LRP1B: variants seen among roughly 807,000 people sequenced by gnomAD.
The protein encoded by LRP1B is low-density lipoprotein receptor-related protein 1B.
A neutral mutation model predicts 556.6 loss-of-function variants in LRP1B; 217 were observed. The observed-to-expected ratio is 0.39, with a 90% CI of 0.35 to 0.44. The LOEUF (loss-of-function observed/expected upper bound fraction) is 0.44. Among genes scored for constraint, LRP1B ranks in the 20% least tolerant of loss-of-function variants. The pLI, the probability that LRP1B is intolerant of heterozygous loss-of-function variation, is 1.00. For synonymous variants in LRP1B, 2,047 were observed against 1,865.8 expected, an observed-to-expected ratio of 1.10 and a Z score of -2.50; for missense variants, 5,053 against 5,620.8, an observed-to-expected ratio of 0.90 and a Z score of 3.23.
intron 2 of LRP1B, among the ~76,000 whole-genome samples, chr2:141,683,796 G>T (rs1205853482): frequency 6.6e-6 from 1 of 152,108 alleles, no homozygotes; most frequent in African/African-American, 2.4e-5. Flanking sequence ...GAAAGCCAAA[G>T]ATGTGGTTCC....
At chr2:141,452,914 G>T (rs1559078200) in intron 3 of LRP1B, among the ~76,000 whole-genome samples, 1 of 152,106 alleles carries the variant, frequency 6.6e-6, no homozygotes, top group South Asian at 2.1e-4. Context: ...TTCACCAAAG[G>T]CCTGTTTTAT....
intron 2 of LRP1B, among the ~76,000 whole-genome samples, chr2:141,727,032 C>CT (rs1465914891): frequency 6.6e-6 from 1 of 151,666 alleles, no homozygotes; most frequent in Non-Finnish European, 1.5e-5. Flanking sequence ...TTTGAAAATC[C>CT]TTATAACTGA....
At chr2:141,082,911 G>A (rs1281398869) in intron 7 of LRP1B, among the ~76,000 whole-genome samples, 2 of 152,188 alleles carry the variant, frequency 1.3e-5, no homozygotes, top group African/African-American at 4.8e-5. Context: ...CATATTTTAT[G>A]TTATGTGATC....
At chr2:141,190,303 T>C (rs1299177402) in intron 6 of LRP1B, among the ~76,000 whole-genome samples, 4 of 152,046 alleles carry the variant, frequency 2.6e-5, no homozygotes, top group South Asian at 4.1e-4. Context: ...CCTCTTAATA[T>C]GTCTGCTGTC....
intron 3 of LRP1B, among the ~76,000 whole-genome samples, chr2:141,422,939 T>C (rs1196277916): frequency 6.6e-6 from 1 of 152,208 alleles, no homozygotes; most frequent in Non-Finnish European, 1.5e-5. Context: ...TTGTACTTGA[T>C]AATTGAATTA....
chr2:142,045,142 G>GAAA (rs34255275), intron 1 of LRP1B, among the ~76,000 whole-genome samples: 2 of 145,196 alleles, frequency 1.4e-5, no homozygotes, highest in South Asian at 2.2e-4. Context: ...ACCCAAGGGG[G>GAAA]AAAAAAAAAA....
chr2:141,630,181 TCTCAAAC>T (rs1489321933), intron 2 of LRP1B, among the ~76,000 whole-genome samples: 1 of 152,092 alleles, frequency 6.6e-6, no homozygotes, highest in Non-Finnish European at 1.5e-5. Context: ...ATCTACAGAA[TCTCAAAC>T]CATCACACAC....
chr2:140,317,887 G>C (rs1684596798), intron 82 of LRP1B, among the ~76,000 whole-genome samples: 1 of 152,084 alleles, frequency 6.6e-6, no homozygotes, highest in Non-Finnish European at 1.5e-5. Flanking sequence ...TGAAATGGAA[G>C]TGGAGTTACA....
At chr2:140,532,816 T>A (rs937774860) in intron 47 of LRP1B, among the ~76,000 whole-genome samples, 1 of 151,800 alleles carries the variant, frequency 6.6e-6, no homozygotes, top group Non-Finnish European at 1.5e-5. Flanking sequence ...ACCTTATTTT[T>A]AGTTTAAGAC....
chr2:141,880,719 C>G (rs376939077), intron 1 of LRP1B, among the ~76,000 whole-genome samples: 8 of 151,972 alleles, frequency 5.3e-5, no homozygotes, highest in South Asian at 4.1e-4. Context: ...AAAAAAGTAT[C>G]AATAATTTAA....
intron 1 of LRP1B, among the ~76,000 whole-genome samples, chr2:142,046,065 T>C (rs1043042584): frequency 6.6e-6 from 1 of 151,898 alleles, no homozygotes; most frequent in Non-Finnish European, 1.5e-5. Context: ...GAGCGCTAAT[T>C]GATATGAATA....
At chr2:141,912,610 T>C (rs1480331293) in intron 1 of LRP1B, among the ~76,000 whole-genome samples, 1 of 151,860 alleles carries the variant, frequency 6.6e-6, no homozygotes, top group African/African-American at 2.4e-5. Flanking sequence ...ATTTTAGGAG[T>C]TCAGAACATG....
chr2:140,713,622 A>G (rs1249560694), intron 37 of LRP1B, among the ~76,000 whole-genome samples: 2 of 152,082 alleles, frequency 1.3e-5, no homozygotes, highest in Admixed American at 1.3e-4. Context: ...TGGAGAAGGC[A>G]TGACCCTGGC....
chr2:140,852,353 C>G (rs1692484969), intron 27 of LRP1B, among the ~76,000 whole-genome samples: 2 of 152,054 alleles, frequency 1.3e-5, no homozygotes, highest in African/African-American at 2.4e-5. Flanking sequence ...AAAAAGACGT[C>G]AAGACTTTTT....
chr2:141,944,168 G>A (rs796174812), intron 1 of LRP1B, among the ~76,000 whole-genome samples: 8 of 152,272 alleles, frequency 5.3e-5, no homozygotes, highest in African/African-American at 1.9e-4. Context: ...GTGGGGAGAC[G>A]TTCATCCCAG....
At chr2:141,718,212 C>T (rs1436927184) in intron 2 of LRP1B, among the ~76,000 whole-genome samples, 1 of 152,190 alleles carries the variant, frequency 6.6e-6, no homozygotes, top group Non-Finnish European at 1.5e-5. Context: ...AACTTATAAA[C>T]TGTCATGGGG....
At chr2:141,994,501 G>A (rs111756939) in intron 1 of LRP1B, among the ~76,000 whole-genome samples, 24 of 152,016 alleles carry the variant, frequency 1.6e-4, no homozygotes, top group African/African-American at 4.1e-4. Context: ...AAATATATAC[G>A]TATATATGTG....
chr2:141,194,936 C>T (rs575343643), intron 6 of LRP1B, among the ~76,000 whole-genome samples: 1 of 151,982 alleles, frequency 6.6e-6, no homozygotes, highest in Non-Finnish European at 1.5e-5. Context: ...TGTGCATGTA[C>T]TAGAGAATAT....
intron 1 of LRP1B, among the ~76,000 whole-genome samples, chr2:142,079,696 G>A (rs1705643156): frequency 1.3e-5 from 2 of 151,950 alleles, no homozygotes; most frequent in African/African-American, 2.4e-5. Context: ...TTTTAGAAGA[G>A]ACGTGGTTTC....
Sources: gnomAD v4.1 joint callset for allele counts (sites outside exome capture counted in the v4.1 genomes callset) on GRCh38, gnomAD v4.1.1 for gene constraint, MANE v1.5 for transcripts, NCBI Gene and HGNC (gene_info 2026-07-23, HGNC 2026-07-21) for gene names.